CDH23: variants seen among roughly 807,000 people sequenced by gnomAD.
The protein encoded by CDH23 is cadherin related 23.
CDH23 carries 189 observed loss-of-function variants against 317.1 expected under a neutral mutation model. The ratio of observed to expected loss-of-function variants is 0.60; its 90% CI spans 0.53 to 0.67. The LOEUF is 0.67. CDH23 is among the 30% of genes least tolerant of loss of function. The pLI is 0.00. For missense variants in CDH23, 4,401 were observed against 4,592.4 expected, an observed-to-expected ratio of 0.96 and a Z score of 1.20; for synonymous variants, 1,839 against 1,876.8, an observed-to-expected ratio of 0.98 and a Z score of 0.52.
intron 6 of CDH23, among the ~76,000 whole-genome samples, chr10:71,535,044 G>A (rs1210986805): frequency 2.0e-5 from 3 of 152,320 alleles, no homozygotes; most frequent in Non-Finnish European, 1.5e-5. Flanking sequence ...TGTGCCCTCC[G>A]CGGCTCTTCA....
chr10:71,466,177 C>G (rs1427744953), intron 3 of CDH23, among the ~76,000 whole-genome samples: 1 of 152,142 alleles, frequency 6.6e-6, no homozygotes, highest in Non-Finnish European at 1.5e-5. Flanking sequence ...GTGTATGTGC[C>G]CGTCTGTGTG....
In CDH23 at chr10:71,713,068, C is replaced by T. The variant is rs755686586; in HGVS notation, c.3369+255C>T. On this transcript the variant is annotated intron_variant, in intron 28 of 69. Transcript: ENST00000224721. The stretch of plus-strand genomic sequence containing the variant: ...AAACAGGAGGAAGACTTGGCCTCCC[C>T]CTGCATATCTCCCGCCCCACCCAGA... 7.2e-5 allele frequency: 54 copies of T among 745,014 alleles called. No homozygotes were observed. In the Middle Eastern group the frequency reaches 1.4e-3, roughly 19 times the overall value. 46.2% of individuals were successfully genotyped at this position (745,014 alleles called of 1,614,324 possible).
intron 3 of CDH23, among the ~76,000 whole-genome samples, chr10:71,465,249 A>G (rs10999826): frequency 0.4 from 60,793 of 152,146 alleles, 13,311 homozygotes; most frequent in East Asian, 0.6. Context: ...AGTCTGTTGC[A>G]CAGCGCTGGT....
chr10:71,435,347 G>A (rs1416985198), intron 1 of CDH23, among the ~76,000 whole-genome samples: 1 of 152,158 alleles, frequency 6.6e-6, no homozygotes, highest in African/African-American at 2.4e-5. Context: ...GATGGCCCTG[G>A]GCAGTGACAG....
At chr10:71,437,464 CA>C (rs1169247659) in intron 1 of CDH23, among the ~76,000 whole-genome samples, 2 of 152,198 alleles carry the variant, frequency 1.3e-5, no homozygotes, top group South Asian at 2.1e-4. Context: ...TAATTCTAAG[CA>C]ATGTTGGCCT....
rs780930114 is a variant in CDH23 at position 71,643,815 on chromosome 10, T to C, written c.1135-46T>C. On this transcript the variant is annotated intron_variant, in intron 11 of 69. Coordinates refer to ENST00000224721, the MANE Select transcript of CDH23 (RefSeq NM_022124.6). The stretch of plus-strand genomic sequence containing the variant: ...CTCCTCTCCATACCTCTCCGGCTCC[T>C]TCTGTCTGTCTCCATATCCTTTGAC... The C allele has an allele frequency of 2.6e-5, 20 of 765,708 alleles. No homozygotes were observed. The African/African-American group carries it at 2.7e-4, about 10-fold the overall frequency. The allele number at this position is 765,708 out of a possible 1,614,324, so 47.4% of individuals were successfully genotyped here.
chr10:71,811,178 C>A, intron 62 of CDH23, 137 bp from the exon 63 acceptor site: 1 of 1,253,374 alleles, frequency 8.0e-7, no homozygotes, highest in Non-Finnish European at 1.1e-6. Context: ...AAACACAAAG[C>A]TGTCCCAGCC....
chr10:71,711,019 CTGAG>C (rs1206754774), intron 27 of CDH23, among the ~76,000 whole-genome samples: 4 of 152,136 alleles, frequency 2.6e-5, no homozygotes, highest in African/African-American at 9.7e-5. Context: ...TTGCAGTGAG[CTGAG>C]TAAGAAGGGA....
At chr10:71,533,638 G>A (rs1471653113) in intron 6 of CDH23, among the ~76,000 whole-genome samples, 5 of 151,848 alleles carry the variant, frequency 3.3e-5, no homozygotes, top group Admixed American at 6.6e-5. Flanking sequence ...GGTGATTAGA[G>A]CTATGTGACA....
At chr10:71,682,037 G>A (rs1864674612) in intron 17 of CDH23, among the ~76,000 whole-genome samples, 1 of 151,540 alleles carries the variant, frequency 6.6e-6, no homozygotes, top group South Asian at 2.1e-4. Context: ...AGTGCCAGAT[G>A]AGTGAGTGAG....
At chr10:71,658,271 G>C (rs2132625333) in intron 14 of CDH23, among the ~76,000 whole-genome samples, 1 of 152,322 alleles carries the variant, frequency 6.6e-6, no homozygotes, top group Admixed American at 6.5e-5. Context: ...AAGAGAGAGG[G>C]AGGGAGGAGA....
rs763911648 is a variant in CDH23 at position 71,790,335 on chromosome 10, G to A, written c.5971G>A (p.Asp1991Asn). The A allele has an allele frequency of 6.2e-7, 1 of 1,613,886 alleles. No homozygotes were observed. Among genetic ancestry groups the A allele is most frequent in the Admixed American group, 1.7e-5 (1 of 60,020 alleles). ...TGGGCCCATCCTGGCCCTGGATGCA[G>A]ACCAAGACATCTACGCCGTGGTGAC... Reference protein sequence around the residue: ...LNGPILALDADQDIYAVVTYQ... With the variant: ...LNGPILALDANQDIYAVVTYQ... Residue 1991 changes from aspartate (D) to asparagine (N), a missense_variant, in exon 46 of 70, where the codon GAC (aspartate) becomes AAC (asparagine). This residue lies in a region of CDH23 where 3,068 missense variants were observed against 3,203.3 expected (regional missense o/e 0.96). Coordinates refer to ENST00000224721, the MANE Select transcript of CDH23 (RefSeq NM_022124.6).
intron 11 of CDH23, chr10:71,617,634 A>C: frequency 1.5e-6 from 1 of 653,158 alleles, no homozygotes. Flanking sequence ...TATTATTTAG[A>C]AGTTACATAC....
chr10:71,434,848 C>T (rs965098694), intron 1 of CDH23, among the ~76,000 whole-genome samples: 3 of 152,132 alleles, frequency 2.0e-5, no homozygotes, highest in Non-Finnish European at 4.4e-5. Flanking sequence ...AGGAGCAATG[C>T]GTGTGAGATG....
chr10:71,676,351 A>T (rs1864369290), intron 15 of CDH23, among the ~76,000 whole-genome samples: 1 of 151,458 alleles, frequency 6.6e-6, no homozygotes, highest in Non-Finnish European at 1.5e-5. Flanking sequence ...AAGGAGCTGG[A>T]TGCCATGGCT....
intron 48 of CDH23, 40 bp from the exon 49 acceptor site, chr10:71,797,064 G>T (rs1030769686): frequency 3.7e-5 from 51 of 1,379,162 alleles, no homozygotes; most frequent in Middle Eastern, 1.9e-4. Flanking sequence ...GATTTTAGGG[G>T]GTTCTTCTCA....
chr10:71,556,910 C>CA (rs2132330779), intron 6 of CDH23, among the ~76,000 whole-genome samples: 1 of 151,988 alleles, frequency 6.6e-6, no homozygotes, highest in East Asian at 1.9e-4. Flanking sequence ...ACTTTTACAC[C>CA]ATCCTCTACC....
rs141890766 is a variant in CDH23 at position 71,645,512 on chromosome 10, G to A, written c.1141-319G>A. On this transcript the variant is annotated intron_variant, in intron 12 of 69. Transcript: ENST00000224721. Reference sequence around the variant, plus strand: ...GGTCTTGCAGCTGGCCGGTCCCTCCGCAGCTGGGGTCACTGGGACAGAGAA... The same window carrying A: ...GGTCTTGCAGCTGGCCGGTCCCTCCACAGCTGGGGTCACTGGGACAGAGAA... 728 of 499,602 alleles carry A rather than the reference G, an allele frequency of 1.5e-3. 6 individuals are homozygous for A. The highest frequency in any genetic ancestry group is 8.8e-3 in the East Asian group (171 of 19,376). 30.9% of individuals were successfully genotyped at this position (499,602 alleles called of 1,614,324 possible). A position where few individuals can be genotyped will look rare whatever the true frequency, so the allele number is the denominator to read the frequency against.
chr10:71,788,907 G>A, intron 44 of CDH23, 33 bp from the exon 45 acceptor site: 1 of 1,111,874 alleles, frequency 9.0e-7, no homozygotes, highest in Non-Finnish European at 1.4e-6. Flanking sequence ...TGCTGAGCAT[G>A]GCCTACAACG....
Sources: gnomAD v4.1 joint callset for allele counts (sites outside exome capture counted in the v4.1 genomes callset) on GRCh38, gnomAD v4.1.1 for gene constraint, gnomAD v4.1.1 regional missense constraint, MANE v1.5 for transcripts, NCBI Gene and HGNC (gene_info 2026-07-23, HGNC 2026-07-21) for gene names.